The following TVP23A variants were observed in gnomAD, a reference collection of about 807,000 sequenced individuals.
The protein encoded by TVP23A is Golgi apparatus membrane protein TVP23 homolog A.
TVP23A carries 21 observed loss-of-function variants against 31.7 expected under a neutral mutation model. That is an observed-to-expected ratio of 0.66 (90% confidence interval 0.47 to 0.95). TVP23A has a LOEUF of 0.95. Among genes scored for constraint, TVP23A ranks in the 40% least tolerant of loss-of-function variants. The pLI is 0.00. For missense variants in TVP23A, 279 were observed against 255.6 expected (o/e 1.09, Z -0.62); for synonymous variants, 104 against 96.0 (o/e 1.08, Z -0.49).
At chr16:10,763,984 G>A (rs149302290), downstream of TVP23A, 35 of 192,354 alleles carry the variant, frequency 1.8e-4, no homozygotes, top group African/African-American at 5.5e-4. Context: ...GGCCACGGGA[G>A]CATCCCAACT....
At chr16:10,769,141 C>G (rs564302332) in intron 7 of TVP23A, 40 bp from the exon 8 acceptor site, 32 of 1,601,876 alleles carry the variant, frequency 2.0e-5, no homozygotes, top group Non-Finnish European at 2.7e-5. Context: ...AGTTACCGAG[C>G]GAGGCACTCA....
At chr16:10,775,744 C>CTTTTTTTTTTTT (rs1004091841) in intron 2 of TVP23A, among the ~76,000 whole-genome samples, 2 of 94,560 alleles carry the variant, frequency 2.1e-5, no homozygotes, top group Non-Finnish European at 4.1e-5. Context: ...AATTGCTTTT[C>CTTTTTTTTTTTT]TTTTTTTTTT....
rs1372208637 is a variant in TVP23A at position 10,818,522 on chromosome 16, A to G, written c.-29T>C. On this transcript the variant is annotated 5_prime_UTR_variant, in exon 1 of 8. Transcript: ENST00000299866. The surrounding 1 kb of genome is among the most constrained non-coding windows in gnomAD (Gnocchi z 4.7). ...CCTCCCAGGAGCCCACCTGGCGCCC[A>G]GGCCCGGGGCTCCAGCTCCGCCCGT... is the stretch of plus-strand genomic sequence containing the variant. The G allele has an allele frequency of 6.3e-7, 1 of 1,599,946 alleles. No individual in the cohort carries two copies. The highest frequency in any genetic ancestry group is 1.1e-5 in the South Asian group (1 of 89,666).
At chr16:10,785,514 T>G (rs946815362) in intron 2 of TVP23A, among the ~76,000 whole-genome samples, 2 of 152,230 alleles carry the variant, frequency 1.3e-5, no homozygotes, top group Admixed American at 1.3e-4. Context: ...GTCCCACAAC[T>G]TCTAAAGCAG....
intron 6 of TVP23A, among the ~76,000 whole-genome samples, chr16:10,771,301 G>A (rs1406232024): frequency 1.3e-5 from 2 of 152,154 alleles, no homozygotes; most frequent in Non-Finnish European, 2.9e-5. Context: ...AGCACTTTGG[G>A]AGGCCAAGGC....
chr16:10,757,780 TA>T, downstream of TVP23A: 1 of 1,504,682 alleles, frequency 6.6e-7, no homozygotes, highest in Non-Finnish European at 9.0e-7. The surrounding 1 kb of genome is among the most constrained non-coding windows in gnomAD (Gnocchi z 4.1). Flanking sequence ...CTGGGCAACA[TA>T]GCAAGACCCC....
chr16:10,808,233 G>A (rs11641787), intron 2 of TVP23A, among the ~76,000 whole-genome samples: 2,646 of 152,298 alleles, frequency 0.017, 31 homozygotes, highest in Middle Eastern at 0.034. Context: ...TTCAACATAA[G>A]TTCCCCCAAA....
At chr16:10,773,044 T>C (rs1596495984) in intron 5 of TVP23A, among the ~76,000 whole-genome samples, 2 of 152,228 alleles carry the variant, frequency 1.3e-5, no homozygotes, top group African/African-American at 2.4e-5. Context: ...GGTTTTGCTA[T>C]GTTGCCCAGG....
At chr16:10,765,509 A>C (rs2030745318), downstream of TVP23A, among the ~76,000 whole-genome samples, 1 of 151,996 alleles carries the variant, frequency 6.6e-6, no homozygotes, top group Non-Finnish European at 1.5e-5. The surrounding 1 kb of genome is among the most constrained non-coding windows in gnomAD (Gnocchi z 4.0). Context: ...ACCTGTCTCA[A>C]AAAAAAATTT....
At chr16:10,804,137 A>T (rs1256539969) in intron 2 of TVP23A, among the ~76,000 whole-genome samples, 1 of 152,206 alleles carries the variant, frequency 6.6e-6, no homozygotes, top group East Asian at 1.9e-4. Flanking sequence ...CCATATGCAC[A>T]GCCTGACCGT....
At chr16:10,811,680 G>A (rs964321557) in intron 2 of TVP23A, among the ~76,000 whole-genome samples, 10 of 151,932 alleles carry the variant, frequency 6.6e-5, no homozygotes, top group African/African-American at 2.4e-4. Context: ...CGAGGCGGGC[G>A]GATCACGAGG....
chr16:10,778,555 C>G (rs975155834), intron 2 of TVP23A, among the ~76,000 whole-genome samples: 3 of 152,042 alleles, frequency 2.0e-5, no homozygotes, highest in African/African-American at 7.2e-5. Flanking sequence ...CCAAAAGCAC[C>G]CAGTATTTAA....
At chr16:10,807,875 TCTC>T (rs1157407820) in intron 2 of TVP23A, among the ~76,000 whole-genome samples, 11 of 152,152 alleles carry the variant, frequency 7.2e-5, no homozygotes, top group Admixed American at 2.6e-4. Flanking sequence ...AGGGTTCAAA[TCTC>T]CTCTGTTTTT....
In TVP23A at chr16:10,818,074, C is replaced by A. The variant is rs756138387; in HGVS notation, c.89+29G>T. 1.9e-6 allele frequency: 3 copies of A among 1,572,590 alleles called. No individual in the cohort carries two copies. In the Admixed American group the frequency reaches 5.3e-5, roughly 28 times the overall value. On this transcript the variant is annotated intron_variant, in intron 2 of 7. Coordinates refer to ENST00000299866, the MANE Select transcript of TVP23A (RefSeq NM_001079512.4). This position sits in a 1 kb window ranked among gnomAD's most constrained non-coding sequence, Gnocchi z 4.7. ...TGAATGAATTTGCAGCTTTGGGGAA[C>A]GCCTGACCCAAGCTCCATCCCAACA...
intron 2 of TVP23A, among the ~76,000 whole-genome samples, chr16:10,801,444 A>G (rs74769801): frequency 0.034 from 5,101 of 152,184 alleles, 255 homozygotes; most frequent in African/African-American, 0.11. Context: ...ACTAAATGCA[A>G]TGGAGATCCT....
rs2031638637 is a variant in TVP23A, at chr16:10,771,726, T to G, written c.526A>C (p.Asn176His). The change falls in exon 6 of 8, where the codon AAC (asparagine) becomes CAC (histidine). Residue 176 changes from asparagine to histidine, a missense_variant. By Grantham distance (68) the Asn-to-His change is moderately conservative. Coordinates refer to ENST00000299866, the MANE Select transcript of TVP23A (RefSeq NM_001079512.4). Reference protein sequence around the residue: ...YGYILCKMGGNSDIGKVTASF... With the variant: ...YGYILCKMGGHSDIGKVTASF... ...GCTGTGACCTTGCCAATGTCACTGT[T>G]GCCTCCCATCTTACAAAGGATGTAG... 1 of 1,612,390 alleles carries G rather than the reference T, an allele frequency of 6.2e-7. No homozygotes were observed. The highest frequency in any genetic ancestry group is 8.5e-7 in the Non-Finnish European group (1 of 1,179,368).
intron 2 of TVP23A, among the ~76,000 whole-genome samples, chr16:10,814,424 C>T (rs1405499725): frequency 6.6e-6 from 1 of 152,210 alleles, no homozygotes; most frequent in Non-Finnish European, 1.5e-5. Context: ...ACCTGACTCA[C>T]CAGACCACCA....
chr16:10,771,048 T>C (rs1567275339), intron 6 of TVP23A, among the ~76,000 whole-genome samples: 2 of 152,050 alleles, frequency 1.3e-5, no homozygotes, highest in Non-Finnish European at 2.9e-5. Context: ...AGCAGAATGC[T>C]GGTTGCTAGG....
chr16:10,784,961 G>A (rs2032656626), intron 2 of TVP23A, among the ~76,000 whole-genome samples: 1 of 151,810 alleles, frequency 6.6e-6, no homozygotes, highest in Non-Finnish European at 1.5e-5. Context: ...GCTGAATGTG[G>A]TGGCGGGCGC....
Sources: allele counts gnomAD v4.1 joint callset (sites outside exome capture counted in the v4.1 genomes callset), GRCh38; gene constraint gnomAD v4.1.1; non-coding constraint Gnocchi (gnomAD v3.1); transcripts MANE v1.5; gene names NCBI Gene and HGNC (gene_info 2026-07-23, HGNC 2026-07-21).